ANAPC10: variants seen among roughly 807,000 people sequenced by gnomAD.
The protein encoded by ANAPC10 is anaphase-promoting complex subunit 10.
In ANAPC10, 12 loss-of-function variants were observed where a neutral mutation model predicts 22.0. The observed-to-expected ratio is 0.55, with a 90% confidence interval of 0.35 to 0.88. The LOEUF (loss-of-function observed/expected upper bound fraction) is 0.88, where lower values mean the gene tolerates loss of function less well. ANAPC10 is among the 40% of genes least tolerant of loss of function. The pLI is 0.01. For synonymous variants in ANAPC10, 65 were observed against 69.5 expected, an observed-to-expected ratio of 0.94 and a Z score of 0.32; for missense variants, 188 against 220.9, an observed-to-expected ratio of 0.85 and a Z score of 0.94.
intron 4 of ANAPC10, among the ~76,000 whole-genome samples, chr4:145,025,663 T>C (rs1214053418): frequency 6.6e-6 from 1 of 152,054 alleles, no homozygotes; most frequent in South Asian, 2.1e-4. Flanking sequence ...ATAATATTGG[T>C]GAAAAAGTTT....
Position 145,081,877 on chromosome 4 carries a change from T to G in ANAPC10, c.116-127A>C, listed in dbSNP as rs965183529. 7.0e-6 allele frequency: 5 copies of G among 709,346 alleles called. No individual in the cohort carries two copies. In the African/African-American group the frequency reaches 7.3e-5, roughly 10 times the overall value. The allele number at this position is 709,346 out of a possible 1,614,324, so 43.9% of individuals were successfully genotyped here. A position where few individuals can be genotyped will look rare whatever the true frequency, so the allele number is the denominator to read the frequency against. On this transcript the variant is annotated intron_variant, in intron 2 of 4. Transcript: ENST00000507656. ...CAGAAAGGTCAGAAATATTAATTTT[T>G]TTTTATTTATTTTTTGTAGACAGGG...
At chr4:145,092,895 AG>A (rs1747902122) in intron 2 of ANAPC10, among the ~76,000 whole-genome samples, 1 of 152,214 alleles carries the variant, frequency 6.6e-6, no homozygotes, top group Non-Finnish European at 1.5e-5. Flanking sequence ...TATACCTGAG[AG>A]AGGGGCAAAC....
intron 3 of ANAPC10, among the ~76,000 whole-genome samples, chr4:145,077,337 A>G (rs1745342590): frequency 6.6e-6 from 1 of 152,246 alleles, no homozygotes; most frequent in Non-Finnish European, 1.5e-5. Context: ...GGGAGAAACA[A>G]CAAGCAAACT....
intron 4 of ANAPC10, among the ~76,000 whole-genome samples, chr4:145,001,617 C>A (rs974364804): frequency 3.3e-5 from 5 of 152,150 alleles, no homozygotes; most frequent in Non-Finnish European, 7.4e-5. Context: ...AGCACTACTG[C>A]CAACCCAAAG....
At chr4:145,086,303 C>T (rs748633453) in intron 2 of ANAPC10, among the ~76,000 whole-genome samples, 16 of 152,116 alleles carry the variant, frequency 1.1e-4, no homozygotes, top group Non-Finnish European at 1.6e-4. Flanking sequence ...AAAACAAAGA[C>T]GTATCTATGA....
At chr4:145,051,966 T>C (rs1348486934) in intron 4 of ANAPC10, among the ~76,000 whole-genome samples, 2 of 152,162 alleles carry the variant, frequency 1.3e-5, no homozygotes, top group African/African-American at 4.8e-5. Context: ...ATTGAAAAAC[T>C]GTATGTTAAA....
chr4:145,089,389 T>C (rs1159962244), intron 2 of ANAPC10, among the ~76,000 whole-genome samples: 1 of 152,222 alleles, frequency 6.6e-6, no homozygotes, highest in Non-Finnish European at 1.5e-5. Context: ...CTTCTTTGTA[T>C]CAAATATAGA....
chr4:145,081,535 A>G (rs1250960247), intron 3 of ANAPC10, 125 bp downstream of exon 3: 3 of 588,546 alleles, frequency 5.1e-6, no homozygotes, highest in East Asian at 6.0e-5. Flanking sequence ...AATCTATAAG[A>G]CTTCAGAGTT....
intron 3 of ANAPC10, among the ~76,000 whole-genome samples, chr4:145,080,340 C>G (rs1745818737): frequency 6.6e-6 from 1 of 152,078 alleles, no homozygotes; most frequent in Admixed American, 6.6e-5. Flanking sequence ...CTCCCTTAAA[C>G]TAAAATAAAA....
chr4:145,023,070 A>G (rs1736189026), intron 4 of ANAPC10, among the ~76,000 whole-genome samples: 1 of 152,170 alleles, frequency 6.6e-6, no homozygotes. Context: ...AAATTGGAGT[A>G]CATTTACAAC....
intron 4 of ANAPC10, among the ~76,000 whole-genome samples, chr4:145,056,137 C>T (rs1742034480): frequency 6.6e-6 from 1 of 152,120 alleles, no homozygotes; most frequent in Non-Finnish European, 1.5e-5. Flanking sequence ...ACGGTTAAGG[C>T]ATGCTAAGTC....
intron 4 of ANAPC10, among the ~76,000 whole-genome samples, chr4:145,053,215 A>C (rs912254078): frequency 6.6e-6 from 1 of 152,242 alleles, no homozygotes; most frequent in Non-Finnish European, 1.5e-5. Context: ...AAGTAACAGA[A>C]AATTCACATA....
Position 145,065,569 on chromosome 4 carries a change from G to GA in ANAPC10, c.207-878dup, listed in dbSNP as rs1189284218. Reference sequence around the variant, plus strand: ...ATGTCTAATGAAGGCTGGCCTTGGAGAAAAAAATGGATGCAGAAAAATCTT... The same window carrying GA: ...ATGTCTAATGAAGGCTGGCCTTGGAGAAAAAAAATGGATGCAGAAAAATCTT... On this transcript the variant is annotated intron_variant, in intron 3 of 4. Transcript: ENST00000507656. Among the ~76,000 whole-genome samples, 7 of 151,864 alleles carry GA rather than the reference G, an allele frequency of 4.6e-5. No individual in the cohort carries two copies. In the East Asian group the frequency reaches 9.7e-4, roughly 21 times the overall value.
At chr4:145,084,691 T>C (rs1746601821) in intron 2 of ANAPC10, among the ~76,000 whole-genome samples, 1 of 152,216 alleles carries the variant, frequency 6.6e-6, no homozygotes, top group Non-Finnish European at 1.5e-5. Context: ...CTATTACTTC[T>C]TCCGTAACTC....
At position 145,098,128 on chromosome 4, in the gene ANAPC10, G is replaced by A. The variant is rs33981816; in HGVS notation, c.-21C>T. 1 of 152,636 alleles carries A rather than the reference G, an allele frequency of 6.6e-6. No individual in the cohort carries two copies. Among genetic ancestry groups the A allele is most frequent in the Non-Finnish European group, 1.5e-5 (1 of 68,254 alleles). 9.5% of individuals were successfully genotyped at this position (152,636 alleles called of 1,614,324 possible). A position where few individuals can be genotyped will look rare whatever the true frequency, so the allele number is the denominator to read the frequency against. ...AAAGCCCACACACTCACAGTTTCCA[G>A]ACCTGGCTGCTTGCCGAAACTCAGA... On this transcript the variant is annotated 5_prime_UTR_variant, in exon 1 of 5. Transcript: ENST00000507656.
intron 4 of ANAPC10, among the ~76,000 whole-genome samples, chr4:145,060,207 A>G (rs1378962039): frequency 6.6e-6 from 1 of 152,116 alleles, no homozygotes; most frequent in East Asian, 1.9e-4. Context: ...AACGAGAAGC[A>G]TAAATAATTT....
rs577176951 is a variant in ANAPC10 at position 145,096,578 on chromosome 4, G to A, written c.-12-467C>T. Among the ~76,000 whole-genome samples the A allele has an allele frequency of 1.1e-3, 170 of 152,154 alleles. 1 individual carries two copies. Among genetic ancestry groups the A allele is most frequent in the Non-Finnish European group, 2.0e-3 (133 of 68,022 alleles). On this transcript the variant is annotated intron_variant, in intron 1 of 4. Coordinates refer to ENST00000507656, the MANE Select transcript of ANAPC10 (RefSeq NM_001256706.2). ...CCTCTCCTGTTAAAGAGGTTCACTT[G>A]ATGATTTTTACTTCTACAATGCTAT...
Position 145,064,608 on chromosome 4 carries a change from T to C in ANAPC10, c.291A>G (p.Arg97=). 6.2e-7 allele frequency: 1 copy of C among 1,608,920 alleles called. No homozygotes were observed. Among genetic ancestry groups the C allele is most frequent in the Non-Finnish European group, 8.5e-7 (1 of 1,177,382 alleles). ...GAAGGTTGTGAAAATTATTTCCTAC[T>C]CTGACTGAGATCTTGCTTGGAGTAT... ...ESYTPSKISV[R]VGNNFHNLQE... The change falls in exon 4 of 5, where the codon AGA becomes AGG. Residue 97 remains arginine (R), a synonymous_variant. Coordinates refer to ENST00000507656, the MANE Select transcript of ANAPC10 (RefSeq NM_001256706.2).
intron 2 of ANAPC10, 42 bp from the exon 3 acceptor site, chr4:145,081,792 A>C (rs373900165): frequency 1.5e-6 from 2 of 1,362,642 alleles, no homozygotes; most frequent in African/African-American, 2.9e-5. Flanking sequence ...GTGAAAAAGA[A>C]ACAACTATAC....
Sources: gnomAD v4.1 joint callset for allele counts (sites outside exome capture counted in the v4.1 genomes callset) on GRCh38, gnomAD v4.1.1 for gene constraint, MANE v1.5 for transcripts, NCBI Gene and HGNC (gene_info 2026-07-23, HGNC 2026-07-21) for gene names.